The following PLEKHA8 variants were observed in gnomAD, a reference collection of about 807,000 sequenced individuals.
The protein encoded by PLEKHA8 is pleckstrin homology domain-containing family A member 8.
PLEKHA8 carries 36 observed loss-of-function variants against 68.2 expected under a neutral mutation model. The observed-to-expected ratio is 0.53, with a 90% CI of 0.40 to 0.70. PLEKHA8 has a LOEUF of 0.70. PLEKHA8 is among the 30% of genes least tolerant of loss of function. The probability of loss-of-function intolerance (pLI) is 0.00; values close to 1 mark genes in which losing one functional copy is unlikely to be tolerated. For missense variants in PLEKHA8, 505 were observed against 615.4 expected (o/e 0.82, Z 1.90); for synonymous variants, 211 against 216.1 (o/e 0.98, Z 0.20).
intron 1 of PLEKHA8, among the ~76,000 whole-genome samples, chr7:30,037,310 G>A (rs1791175633): frequency 6.6e-6 from 1 of 151,146 alleles, no homozygotes; most frequent in South Asian, 2.1e-4. Context: ...TTTTTTCTTG[G>A]CATTAGTTAC....
At position 30,084,050 on chromosome 7, in the gene PLEKHA8, C is replaced by T; in HGVS notation, c.*5263C>T. 1 of 985,356 alleles carries T rather than the reference C, an allele frequency of 1.0e-6. No individual in the cohort carries two copies. The highest frequency in any genetic ancestry group is 1.2e-6 in the Non-Finnish European group (1 of 829,916). 61.0% of individuals were successfully genotyped at this position (985,356 alleles called of 1,614,324 possible). On this transcript the variant is annotated 3_prime_UTR_variant, in exon 14 of 14. Transcript: ENST00000449726. The stretch of plus-strand genomic sequence containing the variant: ...TATCATGAGAATTTCACTAGAATGT[C>T]ATTAAACAGCCCAACTACCTCATGT...
intron 13 of PLEKHA8, among the ~76,000 whole-genome samples, chr7:30,120,038 GCAAA>G (rs1316692041): frequency 1.3e-5 from 2 of 151,914 alleles, no homozygotes; most frequent in East Asian, 3.9e-4. Flanking sequence ...GCCTCTGAGA[GCAAA>G]CAGTCTTCTC....
chr7:30,090,369 A>G (rs1048603774), exon 13 of PLEKHA8: 1 of 618,012 alleles, frequency 1.6e-6, no homozygotes, highest in Non-Finnish European at 2.7e-6. Context: ...ATTATTGCCA[A>G]CCAAGTCGTC....
In PLEKHA8 at chr7:30,116,007, T is replaced by C. The variant is rs866776275; in HGVS notation, c.1363-13259T>C. The C allele has an allele frequency of 2.1e-5, 3 of 144,854 alleles. 1 individual carries two copies. Among genetic ancestry groups the C allele is most frequent in the South Asian group, 4.3e-4 (2 of 4,638 alleles). The allele number at this position is 144,854 out of a possible 1,614,324, so 9.0% of individuals were successfully genotyped here. ...ATGTATGCATACGCATACATACGCA[T>C]ACATACGCATACATACGTATACATA... On this transcript the variant is annotated intron_variant, in intron 13 of 13. Coordinates refer to the PLEKHA8 transcript ENST00000396257.
chr7:30,116,174 A>G (rs924270337), intron 13 of PLEKHA8, among the ~76,000 whole-genome samples: 1 of 151,454 alleles, frequency 6.6e-6, no homozygotes, highest in Non-Finnish European at 1.5e-5. Flanking sequence ...ATGTGTATAC[A>G]TATGTATACA....
At chr7:30,034,582 A>G (rs1265478990) in intron 1 of PLEKHA8, among the ~76,000 whole-genome samples, 1 of 152,208 alleles carries the variant, frequency 6.6e-6, no homozygotes, top group Non-Finnish European at 1.5e-5. Context: ...AGAAAATGAT[A>G]AGGAAGAGAA....
chr7:30,125,993 A>G (rs534121125), intron 13 of PLEKHA8, among the ~76,000 whole-genome samples: 7 of 152,264 alleles, frequency 4.6e-5, no homozygotes, highest in Non-Finnish European at 5.9e-5. Flanking sequence ...TGGTTGCATT[A>G]TAATTATGCA....
At chr7:30,068,339 C>G (rs745382875) in intron 12 of PLEKHA8, among the ~76,000 whole-genome samples, 8 of 152,344 alleles carry the variant, frequency 5.3e-5, no homozygotes, top group Non-Finnish European at 1.2e-4. Context: ...CTATAATTAC[C>G]AGCAGAGTAG....
At chr7:30,066,424 C>T (rs906547558) in intron 12 of PLEKHA8, among the ~76,000 whole-genome samples, 1 of 152,124 alleles carries the variant, frequency 6.6e-6, no homozygotes, top group Non-Finnish European at 1.5e-5. Flanking sequence ...TTTACACTGC[C>T]CCTTTTTGCA....
chr7:30,096,534 T>G (rs563779280), intron 13 of PLEKHA8, among the ~76,000 whole-genome samples: 75 of 152,346 alleles, frequency 4.9e-4, no homozygotes, highest in Middle Eastern at 6.8e-3. Context: ...CCTGCCTGAT[T>G]GCCCTGGCCA....
downstream of PLEKHA8, among the ~76,000 whole-genome samples, chr7:30,086,766 T>C (rs1795199084): frequency 6.6e-6 from 1 of 151,480 alleles, no homozygotes; most frequent in Non-Finnish European, 1.5e-5. Flanking sequence ...AGAGTTGATA[T>C]TTTTATTTTT....
chr7:30,028,838 GC>G (rs1790417444), intron 1 of PLEKHA8, 36 bp downstream of exon 1: 3 of 1,251,970 alleles, frequency 2.4e-6, no homozygotes, highest in African/African-American at 3.1e-5. Flanking sequence ...CGCGCCGGGG[GC>G]CGGTCCTTTG....
chr7:30,040,778 A>G (rs1228730597), intron 1 of PLEKHA8, among the ~76,000 whole-genome samples: 2 of 152,158 alleles, frequency 1.3e-5, no homozygotes, highest in African/African-American at 4.8e-5. Context: ...GTCCCTGGCA[A>G]TGATAGCTAA....
At chr7:30,075,321 C>T (rs948080975) in intron 13 of PLEKHA8, among the ~76,000 whole-genome samples, 3 of 152,176 alleles carry the variant, frequency 2.0e-5, no homozygotes, top group Non-Finnish European at 2.9e-5. Flanking sequence ...AGACTGCTCA[C>T]CCTTACCTTC....
At chr7:30,121,964 T>C (rs1182630845) in intron 13 of PLEKHA8, among the ~76,000 whole-genome samples, 1 of 152,204 alleles carries the variant, frequency 6.6e-6, no homozygotes, top group African/African-American at 2.4e-5. Context: ...CAAAGAACTT[T>C]TGAAGAGGGC....
Position 30,083,623 on chromosome 7 carries a change from T to C in PLEKHA8, c.*4836T>C. 2 of 985,426 alleles carry C rather than the reference T, an allele frequency of 2.0e-6. No individual in the cohort carries two copies. The highest frequency in any genetic ancestry group is 4.7e-5 in the South Asian group (1 of 21,284). The allele number at this position is 985,426 out of a possible 1,614,324, so 61.0% of individuals were successfully genotyped here. ...TGATCTTTCTTCTCTGCTGTTTTTA[T>C]ATAGCCTTTAATTAAAAGGAAAAAA... On this transcript the variant is annotated 3_prime_UTR_variant, in exon 14 of 14. Transcript: ENST00000449726.
Position 30,049,215 on chromosome 7 carries a change from G to GT in PLEKHA8, c.439-6dup. 6.2e-7 allele frequency: 1 copy of GT among 1,613,628 alleles called. No individual in the cohort carries two copies. The highest frequency in any genetic ancestry group is 1.8e-4 in the Middle Eastern group (1 of 5,680). ...GGTAAAGGAGTCTTCCACTCTGGTT[G>GT]TTTCGTAGGAGGGAATTGATGTGGG... On this transcript the variant is annotated splice_polypyrimidine_tract_variant and intron_variant, in intron 4 of 13. Coordinates refer to ENST00000449726, the MANE Select transcript of PLEKHA8 (RefSeq NM_001197026.2).
intron 13 of PLEKHA8, among the ~76,000 whole-genome samples, chr7:30,075,852 A>T (rs10262157): frequency 5.3e-5 from 8 of 152,154 alleles, no homozygotes; most frequent in Admixed American, 2.0e-4. Context: ...TTTACCCTGT[A>T]CTTTAATGGA....
chr7:30,085,521 T>C (rs1001796499), downstream of PLEKHA8, among the ~76,000 whole-genome samples: 27 of 152,348 alleles, frequency 1.8e-4, no homozygotes, highest in African/African-American at 6.0e-4. Flanking sequence ...AATCACTTGA[T>C]GTCAAAGTAG....
Sources: gnomAD v4.1 joint callset for allele counts (sites outside exome capture counted in the v4.1 genomes callset) on GRCh38, gnomAD v4.1.1 for gene constraint, MANE v1.5 for transcripts, NCBI Gene and HGNC (gene_info 2026-07-23, HGNC 2026-07-21) for gene names.